Variants in ATP2C1 observed in about 807,000 individuals in gnomAD.
The protein encoded by ATP2C1 is ATPase secretory pathway Ca2+ transporting 1.
In ATP2C1, 31 loss-of-function variants were observed where a neutral mutation model predicts 120.5. The observed-to-expected ratio is 0.26, with a 90% CI of 0.19 to 0.35. ATP2C1 has a LOEUF of 0.35. Ranked by LOEUF, ATP2C1 falls within the 10% of genes least tolerant of loss-of-function variation. ATP2C1 has a pLI of 1.00. For synonymous variants in ATP2C1, 351 were observed against 358.7 expected, an observed-to-expected ratio of 0.98 and a Z score of 0.24; for missense variants, 731 against 1,107.5, an observed-to-expected ratio of 0.66 and a Z score of 4.83.
At chr3:130,850,774 GT>G (rs1431968445) in exon 1 of ATP2C1, 2 of 905,684 alleles carry the variant, frequency 2.2e-6, no homozygotes, top group African/African-American at 3.5e-5. Flanking sequence ...ATTTCATATG[GT>G]TGCTGACAAG....
intron 7 of ATP2C1, among the ~76,000 whole-genome samples, chr3:130,940,905 ATTTTTTTTTTTT>A (rs749879416): frequency 1.9e-4 from 16 of 86,114 alleles, no homozygotes; most frequent in East Asian, 3.6e-4. Flanking sequence ...TATTTAACAG[ATTTTTTTTTTTT>A]TTTTTTTTTT....
At chr3:130,957,192 G>A (rs1465672848) in intron 11 of ATP2C1, among the ~76,000 whole-genome samples, 1 of 152,074 alleles carries the variant, frequency 6.6e-6, no homozygotes, top group East Asian at 1.9e-4. Context: ...TTGAGATTCT[G>A]TTATCACCCT....
downstream of ATP2C1, among the ~76,000 whole-genome samples, chr3:131,005,542 C>A (rs1181950418): frequency 6.6e-6 from 1 of 152,196 alleles, no homozygotes; most frequent in Non-Finnish European, 1.5e-5. Flanking sequence ...CTAAGCTAAG[C>A]AGGGTTTAGT....
At chr3:130,916,978 A>G (rs920966216) in intron 2 of ATP2C1, among the ~76,000 whole-genome samples, 1 of 152,196 alleles carries the variant, frequency 6.6e-6, no homozygotes, top group African/African-American at 2.4e-5. Context: ...AATGAAGTAC[A>G]CACAAGTCCG....
At chr3:130,890,793 C>T (rs769549534), upstream of ATP2C1, among the ~76,000 whole-genome samples, 3 of 152,204 alleles carry the variant, frequency 2.0e-5, no homozygotes, top group Non-Finnish European at 4.4e-5. Flanking sequence ...GGCAATAAAA[C>T]TATAGTTTTC....
intron 1 of ATP2C1, among the ~76,000 whole-genome samples, chr3:130,879,208 C>T (rs2068704677): frequency 1.3e-5 from 2 of 152,106 alleles, no homozygotes; most frequent in South Asian, 4.2e-4. Context: ...ATTACAGGCA[C>T]ATGCCACCAT....
At chr3:130,983,356 A>G (rs2061854810) in intron 20 of ATP2C1, among the ~76,000 whole-genome samples, 1 of 152,220 alleles carries the variant, frequency 6.6e-6, no homozygotes, top group Non-Finnish European at 1.5e-5. Flanking sequence ...ATAATTGAGC[A>G]GATAACACAG....
intron 18 of ATP2C1, among the ~76,000 whole-genome samples, chr3:130,977,462 CAG>C (rs1050479660): frequency 1.3e-5 from 2 of 152,096 alleles, no homozygotes; most frequent in Non-Finnish European, 2.9e-5. Context: ...GGGAAGTGGG[CAG>C]AGTCTTGCTA....
At chr3:130,880,881 T>C (rs1368234794) in intron 1 of ATP2C1, among the ~76,000 whole-genome samples, 1 of 152,214 alleles carries the variant, frequency 6.6e-6, no homozygotes, top group East Asian at 1.9e-4. Flanking sequence ...TTTCCTCATT[T>C]ATTTGCACAA....
Position 130,894,120 on chromosome 3 carries a change from C to G in ATP2C1, c.-398C>G. 2 of 968,228 alleles carry G rather than the reference C, an allele frequency of 2.1e-6. No individual in the cohort carries two copies. Among genetic ancestry groups the G allele is most frequent in the Non-Finnish European group, 2.5e-6 (2 of 814,308 alleles). 60.0% of individuals were successfully genotyped at this position (968,228 alleles called of 1,614,324 possible). A position where few individuals can be genotyped will look rare whatever the true frequency, so the allele number is the denominator to read the frequency against. ...GCCTCGCGGAGCCGGCCCGGCGGAC[C>G]GTGACGGGTCCCCTCACCTCCTCTT... On this transcript the variant is annotated 5_prime_UTR_variant, in exon 1 of 28. Transcript: ENST00000510168. The surrounding 1 kb of genome is among the most constrained non-coding windows in gnomAD (Gnocchi z 4.5).
chr3:130,921,442 G>A (rs1337491797), intron 2 of ATP2C1, among the ~76,000 whole-genome samples: 1 of 152,016 alleles, frequency 6.6e-6, no homozygotes, highest in African/African-American at 2.4e-5. Context: ...ATTTTATTAA[G>A]CATTTAATTT....
In ATP2C1 at chr3:130,930,450, A is replaced by C. The variant is rs2059404554; in HGVS notation, c.41A>C (p.Asn14Thr). 1.9e-6 allele frequency: 3 copies of C among 1,613,408 alleles called. No homozygotes were observed. Among genetic ancestry groups the C allele is most frequent in the Non-Finnish European group, 2.5e-6 (3 of 1,179,412 alleles). The change falls in exon 3 of 28, where the codon AAT becomes ACT. Residue 14 changes from asparagine (N) to threonine (T), a missense_variant. Transcript: ENST00000510168. The part of the protein sequence containing the change: ...ARFQKIPNGE[N>T]ETMIPVLTSK... Reference sequence around the variant, plus strand: ...TTTCAAAAAATACCTAATGGTGAAAATGAGACAATGATTCCTGTATTGACA... The same window carrying C: ...TTTCAAAAAATACCTAATGGTGAAACTGAGACAATGATTCCTGTATTGACA...
At chr3:131,000,957 G>A (rs1193250831) in intron 27 of ATP2C1, among the ~76,000 whole-genome samples, 2 of 151,974 alleles carry the variant, frequency 1.3e-5, no homozygotes, top group Non-Finnish European at 2.9e-5. Flanking sequence ...ACGAACATTA[G>A]CCAGGTATGA....
At chr3:130,913,882 T>C (rs1484856694) in intron 2 of ATP2C1, among the ~76,000 whole-genome samples, 1 of 152,236 alleles carries the variant, frequency 6.6e-6, no homozygotes, top group Non-Finnish European at 1.5e-5. Context: ...TTTGTTAATT[T>C]CTTTTTGTGT....
At chr3:130,856,100 A>G (rs1299053960) in intron 1 of ATP2C1, 2 of 151,908 alleles carry the variant, frequency 1.3e-5, no homozygotes, top group Non-Finnish European at 2.9e-5. Flanking sequence ...CATGTACTGT[A>G]GCTACATTTT....
chr3:131,004,355 T>C (rs1391930625), downstream of ATP2C1, among the ~76,000 whole-genome samples: 2 of 152,248 alleles, frequency 1.3e-5, no homozygotes, highest in Non-Finnish European at 2.9e-5. Flanking sequence ...TGGTTAAGTT[T>C]CCTTGAGCTC....
intron 2 of ATP2C1, among the ~76,000 whole-genome samples, chr3:130,926,081 T>C (rs1165782900): frequency 6.6e-6 from 1 of 152,172 alleles, no homozygotes; most frequent in African/African-American, 2.4e-5. Context: ...AATGGACTCA[T>C]AGTTTTTAGG....
chr3:130,995,474 T>C (rs998355306), intron 22 of ATP2C1, among the ~76,000 whole-genome samples: 5 of 152,136 alleles, frequency 3.3e-5, no homozygotes, highest in Admixed American at 6.5e-5. Flanking sequence ...TTTTCTCTTG[T>C]GTGAAGAGAC....
intron 13 of ATP2C1, 147 bp from the exon 14 acceptor site, chr3:130,964,799 TGA>T (rs1200416855): frequency 3.3e-6 from 2 of 604,530 alleles, no homozygotes; most frequent in Non-Finnish European, 5.8e-6. Flanking sequence ...ACAAGCATAA[TGA>T]GAGAAGTTAA....
Sources: allele counts gnomAD v4.1 joint callset (sites outside exome capture counted in the v4.1 genomes callset), GRCh38; gene constraint gnomAD v4.1.1; non-coding constraint Gnocchi (gnomAD v3.1); transcripts MANE v1.5; gene names NCBI Gene and HGNC (gene_info 2026-07-23, HGNC 2026-07-21).